TNFRSF19: variants seen among roughly 807,000 people sequenced by gnomAD.
The protein encoded by TNFRSF19 is TNF receptor superfamily member 19, also known as tumor necrosis factor receptor superfamily member 19.
A neutral mutation model predicts 46.4 loss-of-function variants in TNFRSF19; 27 were observed. The observed-to-expected ratio is 0.58, with a 90% CI of 0.43 to 0.80. TNFRSF19 has a LOEUF of 0.80. TNFRSF19 is among the 30% of genes least tolerant of loss of function. TNFRSF19 has a pLI of 0.00. For synonymous variants in TNFRSF19, 204 were observed against 205.0 expected (o/e 1.00, Z 0.04); for missense variants, 511 against 530.8 (o/e 0.96, Z 0.37).
At chr13:23,581,728 G>C (rs1878450648) in intron 1 of TNFRSF19, among the ~76,000 whole-genome samples, 1 of 152,124 alleles carries the variant, frequency 6.6e-6, no homozygotes, top group Non-Finnish European at 1.5e-5. Flanking sequence ...TTCATAAAAA[G>C]AATTTGAGTC....
chr13:23,662,867 G>T (rs1243307500), intron 7 of TNFRSF19, among the ~76,000 whole-genome samples: 1 of 152,200 alleles, frequency 6.6e-6, no homozygotes, highest in Non-Finnish European at 1.5e-5. Flanking sequence ...CGTAGATTTT[G>T]TATCCTGGAA....
chr13:23,609,520 T>C (rs1880749461), intron 3 of TNFRSF19, among the ~76,000 whole-genome samples: 1 of 152,198 alleles, frequency 6.6e-6, no homozygotes, highest in Non-Finnish European at 1.5e-5. Flanking sequence ...ACAGTGTGCT[T>C]GTAACACGAT....
chr13:23,576,782 CA>C, intron 1 of TNFRSF19, among the ~76,000 whole-genome samples: 1 of 152,064 alleles, frequency 6.6e-6, no homozygotes, highest in East Asian at 1.9e-4. Flanking sequence ...CACAACCATT[CA>C]TTTTTTTTCA....
intron 5 of TNFRSF19, among the ~76,000 whole-genome samples, chr13:23,630,437 C>T (rs1882284417): frequency 6.6e-6 from 1 of 152,160 alleles, no homozygotes; most frequent in Non-Finnish European, 1.5e-5. Flanking sequence ...TGGCCCTACC[C>T]CCACCAGATG....
At chr13:23,624,192 T>C (rs1321820021) in intron 4 of TNFRSF19, among the ~76,000 whole-genome samples, 2 of 152,220 alleles carry the variant, frequency 1.3e-5, no homozygotes, top group African/African-American at 4.8e-5. Flanking sequence ...ATTGACCATA[T>C]ACATGACGGT....
rs530135165 is a variant in TNFRSF19, at chr13:23,582,261, C to T, written c.-34-7889C>T. Among the ~76,000 whole-genome samples, 137 of 146,934 alleles carry T rather than the reference C, an allele frequency of 9.3e-4. 1 individual carries two copies. Among genetic ancestry groups the T allele is most frequent in the Middle Eastern group, 3.5e-3 (1 of 282 alleles). On this transcript the variant is annotated intron_variant, in intron 1 of 9. Coordinates refer to ENST00000248484, the MANE Select transcript of TNFRSF19 (RefSeq NM_148957.4). ...AAAAAAAAAAAAAAAATTAGCCGGG[C>T]GTGGTGGCGGGCGCCTGTAGTCCCA...
rs1210171862 is a variant in TNFRSF19, at chr13:23,674,228, G to A, written c.*848G>A. 6.6e-6 allele frequency: 1 copy of A among 152,210 alleles called. No individual in the cohort carries two copies. Among genetic ancestry groups the A allele is most frequent in the Non-Finnish European group, 1.5e-5 (1 of 68,042 alleles). The allele number at this position is 152,210 out of a possible 1,614,324, so 9.4% of individuals were successfully genotyped here. On this transcript the variant is annotated 3_prime_UTR_variant, in exon 10 of 10. Transcript: ENST00000248484. The stretch of plus-strand genomic sequence containing the variant: ...GCATCTGTCCCTCTGCCTGAGCTTA[G>A]AAGGTTATAGAAAAAGGGTATTTAT...
intron 3 of TNFRSF19, among the ~76,000 whole-genome samples, chr13:23,605,940 T>C (rs1367414814): frequency 1.3e-5 from 2 of 152,106 alleles, no homozygotes; most frequent in Non-Finnish European, 2.9e-5. Context: ...TAAACCCTAA[T>C]GTAAACAGTG....
At chr13:23,662,770 T>G (rs1884450660) in intron 7 of TNFRSF19, among the ~76,000 whole-genome samples, 1 of 152,212 alleles carries the variant, frequency 6.6e-6, no homozygotes, top group Non-Finnish European at 1.5e-5. Flanking sequence ...TTTATTCTTT[T>G]TGTGGCAATT....
intron 7 of TNFRSF19, among the ~76,000 whole-genome samples, chr13:23,664,547 G>A (rs1951587473): frequency 6.6e-6 from 1 of 152,050 alleles, no homozygotes; most frequent in Non-Finnish European, 1.5e-5. Context: ...TTACAGTTCT[G>A]TTATCACCCA....
At chr13:23,574,676 T>C (rs1227178642) in intron 1 of TNFRSF19, among the ~76,000 whole-genome samples, 1 of 152,188 alleles carries the variant, frequency 6.6e-6, no homozygotes, top group Admixed American at 6.5e-5. Context: ...CCTGGAAGAA[T>C]GAGTGATTTT....
chr13:23,621,787 A>G (rs1294251104), intron 4 of TNFRSF19, among the ~76,000 whole-genome samples: 1 of 151,954 alleles, frequency 6.6e-6, no homozygotes, highest in Non-Finnish European at 1.5e-5. Flanking sequence ...CTAAAAAAAA[A>G]AAAAATACAA....
At chr13:23,604,997 C>G (rs1880416556) in intron 3 of TNFRSF19, among the ~76,000 whole-genome samples, 1 of 152,126 alleles carries the variant, frequency 6.6e-6, no homozygotes, top group Non-Finnish European at 1.5e-5. Context: ...AATTTCCACT[C>G]TGCATAAGAC....
intron 1 of TNFRSF19, among the ~76,000 whole-genome samples, chr13:23,574,381 T>C (rs184267602): frequency 9.0e-4 from 137 of 152,288 alleles, no homozygotes; most frequent in African/African-American, 3.2e-3. Flanking sequence ...GGTGATTCAT[T>C]CTTTTTAAGA....
At chr13:23,660,310 A>G (rs1232450971) in intron 6 of TNFRSF19, 55 bp from the exon 7 acceptor site, 6 of 1,538,620 alleles carry the variant, frequency 3.9e-6, no homozygotes, top group Non-Finnish European at 5.3e-6. Flanking sequence ...AGAATGGCAC[A>G]GGTCCACTAG....
intron 5 of TNFRSF19, among the ~76,000 whole-genome samples, chr13:23,658,087 T>A (rs1257877470): frequency 6.6e-6 from 1 of 152,086 alleles, no homozygotes; most frequent in Admixed American, 6.5e-5. Context: ...TTTCTCTCAT[T>A]ATTTTGGGGT....
At chr13:23,636,895 CACCCCT>C (rs1882726035) in intron 5 of TNFRSF19, among the ~76,000 whole-genome samples, 1 of 152,174 alleles carries the variant, frequency 6.6e-6, no homozygotes, top group African/African-American at 2.4e-5. Flanking sequence ...TGTGGCTTTT[CACCCCT>C]TTCTCAAGAG....
At chr13:23,601,170 A>T (rs1456600098) in intron 3 of TNFRSF19, among the ~76,000 whole-genome samples, 1 of 152,198 alleles carries the variant, frequency 6.6e-6, no homozygotes, top group East Asian at 1.9e-4. Context: ...AAGCAAGATA[A>T]ATGCCCAAAA....
intron 4 of TNFRSF19, among the ~76,000 whole-genome samples, chr13:23,622,694 A>G (rs181172749): frequency 7.1e-4 from 108 of 152,186 alleles, no homozygotes; most frequent in African/African-American, 2.5e-3. Flanking sequence ...TGTATCCCCA[A>G]TATTTATTCT....
Sources: allele counts gnomAD v4.1 joint callset (sites outside exome capture counted in the v4.1 genomes callset), GRCh38; gene constraint gnomAD v4.1.1; transcripts MANE v1.5; gene names NCBI Gene and HGNC (gene_info 2026-07-23, HGNC 2026-07-21).